TFDP2: variants seen among roughly 807,000 people sequenced by gnomAD.
TFDP2 encodes the protein transcription factor Dp-2.
Under a neutral mutation model 59.3 loss-of-function variants are expected in TFDP2, and 17 were observed. The ratio of observed to expected loss-of-function variants is 0.29; its 90% CI spans 0.20 to 0.43. TFDP2 has a LOEUF of 0.43. Ranked by LOEUF, TFDP2 falls within the 20% of genes least tolerant of loss-of-function variation. The probability of loss-of-function intolerance (pLI) is 1.00; values close to 1 mark genes in which losing one functional copy is unlikely to be tolerated. For synonymous variants in TFDP2, 180 were observed against 194.7 expected, an observed-to-expected ratio of 0.92 and a Z score of 0.63; for missense variants, 391 against 528.8, an observed-to-expected ratio of 0.74 and a Z score of 2.56.
intron 7 of TFDP2, among the ~76,000 whole-genome samples, chr3:141,975,139 C>A (rs1940432108): frequency 6.6e-6 from 1 of 151,786 alleles, no homozygotes; most frequent in African/African-American, 2.4e-5. Context: ...ATCTTGAACT[C>A]CTGACCTCAT....
intron 11 of TFDP2, among the ~76,000 whole-genome samples, chr3:141,954,971 C>A (rs1936410469): frequency 6.6e-6 from 1 of 151,846 alleles, no homozygotes; most frequent in Non-Finnish European, 1.5e-5. Context: ...TTTGAGACAG[C>A]TGGGAAAAAA....
At chr3:141,998,355 C>T (rs1409273329) in intron 4 of TFDP2, among the ~76,000 whole-genome samples, 1 of 152,142 alleles carries the variant, frequency 6.6e-6, no homozygotes, top group Non-Finnish European at 1.5e-5. Flanking sequence ...CCTATAATCC[C>T]CGCACTTTGG....
At chr3:141,969,931 C>T in intron 9 of TFDP2, 142 bp downstream of exon 9, 1 of 763,044 alleles carries the variant, frequency 1.3e-6, no homozygotes, top group Non-Finnish European at 2.3e-6. Context: ...TGGATGGCAA[C>T]AAGCTAGGAG....
chr3:141,973,123 A>ATATATATTTTTTTTT, intron 8 of TFDP2, among the ~76,000 whole-genome samples: 4 of 58,026 alleles, frequency 6.9e-5, no homozygotes, highest in African/African-American at 1.3e-4. Context: ...ATATATATAT[A>ATATATATTTTTTTTT]TTTTTTTTTT....
rs556415342 is a variant in TFDP2 at position 142,078,842 on chromosome 3, G to A, written c.82+14219C>T. On this transcript the variant is annotated intron_variant, in intron 3 of 12. Transcript: ENST00000489671. ...ACCAATCCCAGAGGAAAAGAGGTAT[G>A]TGACCTTTCAGACAGAGAATTCAAA... Among the ~76,000 whole-genome samples the A allele has an allele frequency of 1.6e-4, 24 of 152,242 alleles. 1 individual carries two copies. The South Asian group carries it at 5.0e-3, about 32-fold the overall frequency.
At chr3:142,006,066 G>A (rs1193502865) in intron 3 of TFDP2, among the ~76,000 whole-genome samples, 10 of 152,106 alleles carry the variant, frequency 6.6e-5, no homozygotes, top group African/African-American at 2.2e-4. Context: ...TATAACTAGA[G>A]AAAAAACATG....
intron 4 of TFDP2, among the ~76,000 whole-genome samples, chr3:141,995,612 C>T (rs768051986): frequency 1.3e-5 from 2 of 151,972 alleles, no homozygotes; most frequent in Non-Finnish European, 2.9e-5. Context: ...GGACCAGGAG[C>T]GGTGGCTCGT....
rs143146043 is a variant in TFDP2 at position 141,980,599 on chromosome 3, G to A, written c.357-1917C>T. On this transcript the variant is annotated intron_variant, in intron 6 of 12. Transcript: ENST00000489671. ...ACTCTATCCCCTAGGCTGGAGTGCAGTGGTATGATCTCAGCTCACTGAGAA... is the reference window on the plus strand; with the variant it reads ...ACTCTATCCCCTAGGCTGGAGTGCAATGGTATGATCTCAGCTCACTGAGAA... Among the ~76,000 whole-genome samples the A allele has an allele frequency of 2.4e-3, 372 of 152,204 alleles. 4 individuals are homozygous for A. The highest frequency in any genetic ancestry group is 8.6e-3 in the African/African-American group (359 of 41,520).
intron 8 of TFDP2, among the ~76,000 whole-genome samples, chr3:141,970,439 AG>A (rs765842598): frequency 6.6e-6 from 1 of 152,234 alleles, no homozygotes; most frequent in Non-Finnish European, 1.5e-5. Context: ...AGTACCACTT[AG>A]TTTATACTCA....
intron 1 of TFDP2, among the ~76,000 whole-genome samples, chr3:142,109,050 A>G (rs1264205385): frequency 6.6e-6 from 1 of 152,124 alleles, no homozygotes; most frequent in Non-Finnish European, 1.5e-5. Context: ...GCCATTGTCT[A>G]TTTATTTCTG....
intron 12 of TFDP2, 73 bp from the exon 13 acceptor site, chr3:141,952,769 C>G: frequency 6.3e-7 from 1 of 1,591,300 alleles, no homozygotes; most frequent in East Asian, 2.2e-5. Flanking sequence ...GGAATAAAAA[C>G]AGGAAGGAGG....
At chr3:142,119,643 G>C (rs1340812916) in intron 1 of TFDP2, among the ~76,000 whole-genome samples, 1 of 152,196 alleles carries the variant, frequency 6.6e-6, no homozygotes, top group Non-Finnish European at 1.5e-5. Context: ...TTGGGAGGCT[G>C]AGATGGGAGG....
chr3:142,139,312 T>C (rs2062850769), intron 1 of TFDP2, among the ~76,000 whole-genome samples: 1 of 152,196 alleles, frequency 6.6e-6, no homozygotes. Context: ...GTCTTGACTC[T>C]TTATCCAATT....
chr3:142,146,079 A>G (rs892684687), intron 1 of TFDP2, among the ~76,000 whole-genome samples: 2 of 152,224 alleles, frequency 1.3e-5, no homozygotes, highest in African/African-American at 2.4e-5. Context: ...AAAAATTTGC[A>G]TGAAAGCAAT....
chr3:142,047,802 C>T (rs971355249), intron 3 of TFDP2, among the ~76,000 whole-genome samples: 3 of 146,550 alleles, frequency 2.0e-5, no homozygotes, highest in Non-Finnish European at 3.0e-5. Context: ...CAGTCAGTGG[C>T]GCGATCTTGG....
chr3:142,112,491 T>C (rs147394891), intron 1 of TFDP2, among the ~76,000 whole-genome samples: 1 of 152,202 alleles, frequency 6.6e-6, no homozygotes, highest in Non-Finnish European at 1.5e-5. Flanking sequence ...TGCTTTGATT[T>C]TCAGGCTAGG....
chr3:142,033,445 C>CATAAA (rs1946530979), intron 3 of TFDP2, among the ~76,000 whole-genome samples: 1 of 152,072 alleles, frequency 6.6e-6, no homozygotes, highest in Non-Finnish European at 1.5e-5. Flanking sequence ...CCTGTGTTAA[C>CATAAA]GTTATCTTCT....
chr3:142,069,746 T>A (rs941353056), intron 3 of TFDP2, among the ~76,000 whole-genome samples: 14 of 151,984 alleles, frequency 9.2e-5, no homozygotes, highest in Non-Finnish European at 1.8e-4. Flanking sequence ...TAGCTGGGAT[T>A]ACAGGCATCC....
At chr3:142,137,400 C>A (rs1243784426) in intron 1 of TFDP2, among the ~76,000 whole-genome samples, 7 of 152,156 alleles carry the variant, frequency 4.6e-5, no homozygotes, top group African/African-American at 1.7e-4. Context: ...CTGCCCTGGC[C>A]AGAACTTCCA....
Sources: allele counts gnomAD v4.1 joint callset (sites outside exome capture counted in the v4.1 genomes callset), GRCh38; gene constraint gnomAD v4.1.1; transcripts MANE v1.5; gene names NCBI Gene and HGNC (gene_info 2026-07-23, HGNC 2026-07-21).